The following ZDHHC15 variants were observed in gnomAD, a reference collection of about 807,000 sequenced individuals.
ZDHHC15 encodes the protein zDHHC palmitoyltransferase 15.
A neutral mutation model predicts 31.7 loss-of-function variants in ZDHHC15; 19 were observed. The observed-to-expected ratio is 0.60, with a 90% CI of 0.42 to 0.88. The LOEUF (loss-of-function observed/expected upper bound fraction) is 0.88, where lower values mean the gene tolerates loss of function less well. Ranked by LOEUF, ZDHHC15 falls within the 40% of genes least tolerant of loss-of-function variation. The pLI is 0.00. For missense variants in ZDHHC15, 209 were observed against 251.2 expected (o/e 0.83, Z 1.14); for synonymous variants, 103 against 90.0 (o/e 1.14, Z -0.82).
chrX:75,507,677 C>T (rs1010361341), intron 1 of ZDHHC15, among the ~76,000 whole-genome samples: 1 of 111,260 alleles, frequency 9.0e-6, no homozygotes, highest in East Asian at 2.8e-4. Flanking sequence ...AATTATACAC[C>T]TTCTCTGTTT....
intron 10 of ZDHHC15, among the ~76,000 whole-genome samples, chrX:75,382,272 C>T (rs867351447): frequency 1.2e-4 from 13 of 111,973 alleles, no homozygotes; most frequent in Non-Finnish European, 2.1e-4. Context: ...TAGAGACTTG[C>T]GTTATTTCAG....
At chrX:75,488,483 C>T (rs1205651159) in intron 2 of ZDHHC15, among the ~76,000 whole-genome samples, 3 of 112,260 alleles carry the variant, frequency 2.7e-5, no homozygotes, top group African/African-American at 9.7e-5. Context: ...GAGAATTTGC[C>T]ATTACCAAGC....
intron 10 of ZDHHC15, among the ~76,000 whole-genome samples, chrX:75,397,799 G>A (rs2083314376): frequency 9.0e-6 from 1 of 111,598 alleles, no homozygotes; most frequent in Non-Finnish European, 1.9e-5. Flanking sequence ...GCAACACGGA[G>A]GCAGGTGAAT....
intron 2 of ZDHHC15, among the ~76,000 whole-genome samples, chrX:75,483,739 T>A (rs894998774): frequency 2.2e-4 from 24 of 111,537 alleles, no homozygotes; most frequent in African/African-American, 7.8e-4. Context: ...AAATGGATAG[T>A]TGAAATATCA....
intron 10 of ZDHHC15, among the ~76,000 whole-genome samples, chrX:75,399,669 C>A (rs918816829): frequency 2.7e-5 from 3 of 111,332 alleles, no homozygotes; most frequent in Non-Finnish European, 3.8e-5. Context: ...GTGGGCAGCC[C>A]AACTGTGCCA....
At chrX:75,493,314 C>G (rs2084931460) in intron 2 of ZDHHC15, among the ~76,000 whole-genome samples, 1 of 111,714 alleles carries the variant, frequency 9.0e-6, no homozygotes, top group Non-Finnish European at 1.9e-5. Flanking sequence ...CAAAAAAAGT[C>G]CAGTACAAGA....
At chrX:75,509,835 T>G (rs2085232928) in intron 1 of ZDHHC15, among the ~76,000 whole-genome samples, 1 of 112,555 alleles carries the variant, frequency 8.9e-6, no homozygotes, top group Non-Finnish European at 1.9e-5. Context: ...AATTGTTTAG[T>G]GAGGTTACAT....
chrX:75,470,057 G>A (rs191981087), intron 3 of ZDHHC15, among the ~76,000 whole-genome samples: 1 of 111,498 alleles, frequency 9.0e-6, no homozygotes, highest in East Asian at 2.8e-4. Context: ...ATTGGACTGA[G>A]GGATGCAAAG....
intron 2 of ZDHHC15, among the ~76,000 whole-genome samples, chrX:75,480,875 C>G (rs1276585497): frequency 9.0e-6 from 1 of 111,352 alleles, no homozygotes; most frequent in Non-Finnish European, 1.9e-5. Context: ...ACTGCAAGGT[C>G]AAAAAGCATG....
chrX:75,402,354 AC>A (rs772115584), intron 10 of ZDHHC15, among the ~76,000 whole-genome samples: 216 of 111,266 alleles, frequency 1.9e-3, no homozygotes, highest in Non-Finnish European at 3.3e-3. Flanking sequence ...GAACAAATAA[AC>A]CCCAAATGCT....
chrX:75,443,751 G>A (rs1455676788), intron 4 of ZDHHC15, among the ~76,000 whole-genome samples: 1 of 111,849 alleles, frequency 8.9e-6, no homozygotes, highest in African/African-American at 3.3e-5. Context: ...AATCTACAAA[G>A]AACTCAAACC....
intron 10 of ZDHHC15, among the ~76,000 whole-genome samples, chrX:75,402,122 AC>A (rs2083364848): frequency 8.9e-6 from 1 of 112,448 alleles, no homozygotes; most frequent in African/African-American, 3.2e-5. Flanking sequence ...AAATTAAACA[AC>A]ATGCTCCTGA....
At chrX:75,502,606 C>T (rs972553787) in intron 2 of ZDHHC15, among the ~76,000 whole-genome samples, 6 of 111,251 alleles carry the variant, frequency 5.4e-5, no homozygotes, top group Admixed American at 2.9e-4. Flanking sequence ...CTGTGGGCAA[C>T]GCATTATTTT....
intron 2 of ZDHHC15, among the ~76,000 whole-genome samples, chrX:75,499,285 C>G (rs1208118322): frequency 2.0e-4 from 22 of 111,474 alleles, no homozygotes; most frequent in South Asian, 3.7e-4. Flanking sequence ...ATAGATCGGA[C>G]TTAAACTAAA....
intron 1 of ZDHHC15, among the ~76,000 whole-genome samples, chrX:75,509,046 G>T (rs1404975008): frequency 1.8e-5 from 2 of 110,348 alleles, no homozygotes; most frequent in Non-Finnish European, 3.8e-5. Context: ...TCTGGATATT[G>T]GACCTAAAAC....
At position 75,371,169 on chromosome X, in the gene ZDHHC15, A is replaced by G. The variant is rs999653727; in HGVS notation, c.*1809T>C. 2.8e-4 allele frequency: 31 copies of G among 112,021 alleles called. No homozygotes were observed. The highest frequency in any genetic ancestry group is 9.4e-4 in the African/African-American group (29 of 30,845). The allele number at this position is 112,021 out of a possible 1,213,427, so 9.2% of individuals were successfully genotyped here. On this transcript the variant is annotated 3_prime_UTR_variant, in exon 12 of 12. Transcript: ENST00000373367. ...AAAAGGTGCATATCTATATGAATAG[A>G]AGACAAGGCTTGTCTGTCATAAAAC...
At chrX:75,465,628 A>T (rs903342443) in intron 3 of ZDHHC15, among the ~76,000 whole-genome samples, 5 of 111,227 alleles carry the variant, frequency 4.5e-5, no homozygotes, top group Non-Finnish European at 9.4e-5. Context: ...AGAAAACAGA[A>T]CCCAGAAATA....
At position 75,369,309 on chromosome X, in the gene ZDHHC15, ATGTGTATG is replaced by A. The variant is rs1391947836; in HGVS notation, c.*3661_*3668del. ...GAAGAGGCAGCCTGCTTTGGAGAAA[ATGTGTATG>A]TGTGTGTGTGTGTGTGTGTGTGTGT... is the stretch of plus-strand genomic sequence containing the variant. On this transcript the variant is annotated 3_prime_UTR_variant, in exon 12 of 12. Coordinates refer to ENST00000373367, the MANE Select transcript of ZDHHC15 (RefSeq NM_144969.3). 2 of 37,230 alleles carry A rather than the reference ATGTGTATG, an allele frequency of 5.4e-5. No homozygotes were observed. Among genetic ancestry groups the A allele is most frequent in the East Asian group, 1.7e-3 (1 of 581 alleles). The allele number at this position is 37,230 out of a possible 1,213,427, so 3.1% of individuals were successfully genotyped here.
At chrX:75,373,118 C>T (rs904065624) in intron 11 of ZDHHC15, among the ~76,000 whole-genome samples, 173 bp from the exon 12 acceptor site, 1 of 111,384 alleles carries the variant, frequency 9.0e-6, no homozygotes, top group African/African-American at 3.3e-5. Flanking sequence ...ATATACAATG[C>T]TATATTTTTG....
Sources: gnomAD v4.1 joint callset for allele counts (sites outside exome capture counted in the v4.1 genomes callset) on GRCh38, gnomAD v4.1.1 for gene constraint, MANE v1.5 for transcripts, NCBI Gene and HGNC (gene_info 2026-07-23, HGNC 2026-07-21) for gene names.